ARHGEF10L: variants seen among roughly 807,000 people sequenced by gnomAD.
The protein encoded by ARHGEF10L is Rho guanine nucleotide exchange factor 10 like, also known as rho guanine nucleotide exchange factor 10-like protein.
A neutral mutation model predicts 141.2 loss-of-function variants in ARHGEF10L; 69 were observed. The observed-to-expected ratio is 0.49, with a 90% CI of 0.40 to 0.60. The LOEUF (loss-of-function observed/expected upper bound fraction) is 0.60. Among genes scored for constraint, ARHGEF10L ranks in the 20% least tolerant of loss-of-function variants. The pLI, the probability that ARHGEF10L is intolerant of heterozygous loss-of-function variation, is 0.00. For synonymous variants in ARHGEF10L, 711 were observed against 718.5 expected (o/e 0.99, Z 0.17); for missense variants, 1,482 against 1,734.3 (o/e 0.85, Z 2.58).
At chr1:17,516,284 G>A in the ARHGEF10L span, among the ~76,000 whole-genome samples, 6 of 152,256 alleles carry the variant, frequency 3.9e-5, no homozygotes. Context: ...GTTTTTCTCT[G>A]AACTCGTGGT....
chr1:17,696,901 G>A lies in ARHGEF10L; in HGVS notation c.3361G>A (p.Val1121Met), dbSNP rs1428390214. The A allele has an allele frequency of 6.2e-7, 1 of 1,604,850 alleles. No individual in the cohort carries two copies. Among genetic ancestry groups the A allele is most frequent in the African/African-American group, 1.3e-5 (1 of 74,866 alleles). Residue 1121 changes from valine (V) to methionine (M), a missense_variant, in exon 29 of 29, where the codon GTG becomes ATG. Val to Met is a conservative substitution (Grantham distance 21, BLOSUM62 1). This residue lies in a region of ARHGEF10L where 858 missense variants were observed against 966.3 expected (regional missense o/e 0.89). Transcript: ENST00000361221. Reference sequence around the variant, plus strand: ...CTGTGGGCCTGTGGCCTTCCTGGCTGTGGCTACCAGCATCCTGGCCCCTGA... The same window carrying A: ...CTGTGGGCCTGTGGCCTTCCTGGCTATGGCTACCAGCATCCTGGCCCCTGA... ...GHCGPVAFLA[V>M]ATSILAPDIL...
chr1:17,548,925 A>G (rs1436847494), intron 1 of ARHGEF10L, among the ~76,000 whole-genome samples: 3 of 151,436 alleles, frequency 2.0e-5, no homozygotes, highest in African/African-American at 7.3e-5. Flanking sequence ...CTGGGACTAT[A>G]GGTGTGAACC....
intron 8 of ARHGEF10L, among the ~76,000 whole-genome samples, chr1:17,614,853 GC>G (rs1234795316): frequency 6.6e-6 from 1 of 152,128 alleles, no homozygotes; most frequent in Non-Finnish European, 1.5e-5. Context: ...GCACCTGGTG[GC>G]TTTTCAGCAA....
rs768692842 is a variant in ARHGEF10L, at chr1:17,623,032, G to A, written c.1057G>A (p.Ala353Thr). The A allele has an allele frequency of 2.2e-5, 36 of 1,613,964 alleles. 1 individual carries two copies. In the South Asian group the frequency reaches 3.4e-4, roughly 15 times the overall value. Residue 353 changes from alanine to threonine, a missense_variant, in exon 12 of 29, where the codon GCG becomes ACG. Ala to Thr is a moderately conservative substitution (Grantham distance 58). Transcript: ENST00000361221. The surrounding 1 kb of genome is among the most constrained non-coding windows in gnomAD (Gnocchi z 4.7). ...RNPLMEMEPK[A>T]LSARKCQVVF... ...CCCCCTGATGGAGATGGAGCCCAAG[G>A]CGCTGAGCGCCCGCAAGTGCCAGGT... is the stretch of plus-strand genomic sequence containing the variant.
chr1:17,678,820 T>G (rs7531478), intron 26 of ARHGEF10L, among the ~76,000 whole-genome samples: 12,714 of 152,228 alleles, frequency 0.084, 1,450 homozygotes, highest in African/African-American at 0.25. Context: ...GGTCTGGGTT[T>G]TTGGGTTGAC....
intron 1 of ARHGEF10L, among the ~76,000 whole-genome samples, chr1:17,553,017 C>G (rs540959432): frequency 6.6e-6 from 1 of 152,366 alleles, no homozygotes; most frequent in East Asian, 1.9e-4. Flanking sequence ...CCAGTCCCTA[C>G]AACCCCTTAA....
chr1:17,518,841 GAAGA>G, the ARHGEF10L span, among the ~76,000 whole-genome samples: 1 of 39,566 alleles, frequency 2.5e-5, no homozygotes, highest in Non-Finnish European at 6.0e-5. Flanking sequence ...AAAGAAAAAA[GAAGA>G]AGAACTCAGT....
chr1:17,673,489 AT>A lies in ARHGEF10L; in HGVS notation c.3009+8896del, dbSNP rs1157188370. Among the ~76,000 whole-genome samples the A allele has an allele frequency of 1.3e-5, 2 of 152,182 alleles. No individual in the cohort carries two copies. Among genetic ancestry groups the A allele is most frequent in the Non-Finnish European group, 2.9e-5 (2 of 68,022 alleles). On this transcript the variant is annotated intron_variant, in intron 26 of 28. Transcript: ENST00000361221. The surrounding 1 kb of genome is among the most constrained non-coding windows in gnomAD (Gnocchi z 4.1). ...CAGTGGAGGTCAGGCCCTGGGTGTA[AT>A]TAGGGAGGCTCCCTCCCTGGGTGGT...
At chr1:17,667,778 T>G (rs1379801581) in intron 26 of ARHGEF10L, among the ~76,000 whole-genome samples, 1 of 152,122 alleles carries the variant, frequency 6.6e-6, no homozygotes, top group Non-Finnish European at 1.5e-5. Flanking sequence ...GAGCTGGGCC[T>G]GTGGGGCTCC....
intron 6 of ARHGEF10L, among the ~76,000 whole-genome samples, chr1:17,606,436 G>T (rs1386107460): frequency 1.3e-5 from 2 of 151,746 alleles, no homozygotes; most frequent in African/African-American, 2.4e-5. Flanking sequence ...TGGGACTACA[G>T]GTGCGTGCCA....
At chr1:17,522,023 G>A in the ARHGEF10L span, among the ~76,000 whole-genome samples, 3 of 152,178 alleles carry the variant, frequency 2.0e-5, no homozygotes, top group East Asian at 1.9e-4. Context: ...CTCCCAGGAC[G>A]GACGGTTGTG....
chr1:17,597,388 C>CGGGTGGGTACA (rs2080216512), intron 4 of ARHGEF10L, among the ~76,000 whole-genome samples: 1 of 151,860 alleles, frequency 6.6e-6, no homozygotes, highest in Non-Finnish European at 1.5e-5. Context: ...GAGGCTGCTC[C>CGGGTGGGTACA]GGGTGGGTAC....
rs1039644242 is a variant in ARHGEF10L, at chr1:17,573,561, G to C, written c.-43-6992G>C. ...TCGCCGGGGACAAAGGGGTTAATGTGTCTGGGGGCTGGGAGGGAAGGAGGA... is the reference window on the plus strand; with the variant it reads ...TCGCCGGGGACAAAGGGGTTAATGTCTCTGGGGGCTGGGAGGGAAGGAGGA... On this transcript the variant is annotated intron_variant, in intron 1 of 28. Transcript: ENST00000361221. This position sits in a 1 kb window ranked among gnomAD's most constrained non-coding sequence, Gnocchi z 4.8. 6.6e-6 allele frequency among the ~76,000 whole-genome samples: 1 copy of C among 152,142 alleles called. No homozygotes were observed. Among genetic ancestry groups the C allele is most frequent in the Admixed American group, 6.5e-5 (1 of 15,278 alleles).
intron 22 of ARHGEF10L, among the ~76,000 whole-genome samples, chr1:17,650,359 A>G (rs2101957467): frequency 6.6e-6 from 1 of 152,296 alleles, no homozygotes; most frequent in East Asian, 1.9e-4. Flanking sequence ...GGCTGCAGTG[A>G]GCTGTGATTG....
intron 15 of ARHGEF10L, among the ~76,000 whole-genome samples, chr1:17,631,191 G>T (rs914280734): frequency 1.3e-5 from 2 of 152,136 alleles, no homozygotes; most frequent in Non-Finnish European, 2.9e-5. Flanking sequence ...ACAGGATGGG[G>T]AAGGAAGGGG....
At chr1:17,660,468 C>T (rs1359679554) in intron 25 of ARHGEF10L, among the ~76,000 whole-genome samples, 4 of 152,238 alleles carry the variant, frequency 2.6e-5, no homozygotes, top group Admixed American at 6.5e-5. Flanking sequence ...TGCCGCGACA[C>T]AGCCTGGAGG....
At chr1:17,645,927 G>A (rs963593304) in intron 21 of ARHGEF10L, among the ~76,000 whole-genome samples, 6 of 152,346 alleles carry the variant, frequency 3.9e-5, no homozygotes, top group African/African-American at 1.2e-4. Flanking sequence ...GGCAACGCGC[G>A]TGCCCTGTGT....
At chr1:17,659,831 T>C (rs1256395929) in intron 25 of ARHGEF10L, among the ~76,000 whole-genome samples, 2 of 152,196 alleles carry the variant, frequency 1.3e-5, no homozygotes, top group East Asian at 3.9e-4. Flanking sequence ...CAGACACATA[T>C]AGGTCTGTAG....
chr1:17,596,558 C>G (rs1045754323), intron 4 of ARHGEF10L, among the ~76,000 whole-genome samples: 5 of 152,226 alleles, frequency 3.3e-5, no homozygotes, highest in Non-Finnish European at 7.3e-5. Flanking sequence ...CCCCAGAATG[C>G]TTGTGCGTGT....
Sources: gnomAD v4.1 joint callset for allele counts (sites outside exome capture counted in the v4.1 genomes callset) on GRCh38, gnomAD v4.1.1 for gene constraint, gnomAD v4.1.1 regional missense constraint, Gnocchi (gnomAD v3.1) non-coding constraint, MANE v1.5 for transcripts, NCBI Gene and HGNC (gene_info 2026-07-23, HGNC 2026-07-21) for gene names.